NRXN1: variants seen among roughly 807,000 people sequenced by gnomAD.
The protein encoded by NRXN1 is neurexin-1.
A neutral mutation model predicts 150.9 loss-of-function variants in NRXN1; 39 were observed. The ratio of observed to expected loss-of-function variants is 0.26; its 90% CI spans 0.20 to 0.34. The LOEUF is 0.34. NRXN1 is among the 10% of genes least tolerant of loss of function. The probability of loss-of-function intolerance (pLI) is 1.00; values close to 1 mark genes in which losing one functional copy is unlikely to be tolerated. For synonymous variants in NRXN1, 924 were observed against 757.0 expected (o/e 1.22, Z -3.62); for missense variants, 1,815 against 1,949.9 (o/e 0.93, Z 1.30).
chr2:50,540,804 G>A (rs2105275448), intron 9 of NRXN1, among the ~76,000 whole-genome samples: 1 of 152,182 alleles, frequency 6.6e-6, no homozygotes, highest in African/African-American at 2.4e-5. Context: ...TGGGATTACA[G>A]GTGTACGCCA....
chr2:50,334,192 A>AAT (rs1553457969), intron 17 of NRXN1, among the ~76,000 whole-genome samples: 6,039 of 119,024 alleles, frequency 0.051, 687 homozygotes, highest in African/African-American at 0.14. Flanking sequence ...ACCAGGACCA[A>AAT]ATATATATAT....
intron 5 of NRXN1, among the ~76,000 whole-genome samples, chr2:50,907,313 T>G (rs935949473): frequency 6.6e-6 from 1 of 152,036 alleles, no homozygotes; most frequent in African/African-American, 2.4e-5. Context: ...AAACTCAGTA[T>G]AAAAAGTACA....
At chr2:49,975,425 T>C (rs1678787621) in intron 21 of NRXN1, among the ~76,000 whole-genome samples, 1 of 152,140 alleles carries the variant, frequency 6.6e-6, no homozygotes, top group African/African-American at 2.4e-5. Context: ...GTGTGCCTCA[T>C]AAGTAAAGCT....
At chr2:50,718,248 ATGT>A (rs1696121888) in intron 5 of NRXN1, among the ~76,000 whole-genome samples, 2 of 152,238 alleles carry the variant, frequency 1.3e-5, no homozygotes, top group Middle Eastern at 3.4e-3. Flanking sequence ...AAACATGGGT[ATGT>A]TGTTATATAA....
intron 5 of NRXN1, among the ~76,000 whole-genome samples, chr2:50,675,249 C>T (rs1689388138): frequency 6.6e-6 from 1 of 152,082 alleles, no homozygotes; most frequent in Non-Finnish European, 1.5e-5. Context: ...ACAGAAGAGA[C>T]TAAGAAGCCC....
intron 18 of NRXN1, among the ~76,000 whole-genome samples, chr2:50,116,169 C>T (rs919729123): frequency 1.5e-4 from 23 of 151,870 alleles, no homozygotes; most frequent in East Asian, 5.8e-4. Flanking sequence ...TAAAGAGCTA[C>T]GCAATTTTTG....
intron 5 of NRXN1, among the ~76,000 whole-genome samples, chr2:50,725,407 A>G (rs1697220229): frequency 6.6e-6 from 1 of 152,036 alleles, no homozygotes; most frequent in African/African-American, 2.4e-5. Context: ...GTATTGCAGT[A>G]CTTAAGTAAA....
chr2:50,094,702 T>A (rs1699995496), intron 18 of NRXN1, among the ~76,000 whole-genome samples: 1 of 151,680 alleles, frequency 6.6e-6, no homozygotes, highest in African/African-American at 2.4e-5. Flanking sequence ...AATTGTATTG[T>A]ATCCTGTTTA....
intron 17 of NRXN1, among the ~76,000 whole-genome samples, chr2:50,415,127 G>C (rs1466461070): frequency 6.6e-6 from 1 of 152,010 alleles, no homozygotes; most frequent in African/African-American, 2.4e-5. Context: ...TAGAAGCAGG[G>C]AGTAGGCAAT....
At chr2:51,019,710 C>T (rs1309375084) in intron 2 of NRXN1, among the ~76,000 whole-genome samples, 2 of 152,068 alleles carry the variant, frequency 1.3e-5, no homozygotes, top group Non-Finnish European at 2.9e-5. Flanking sequence ...GGAAAACTTA[C>T]ATTGCCTGAT....
At position 50,219,920 on chromosome 2, in the gene NRXN1, CTCTA is replaced by C. The variant is rs571397934; in HGVS notation, c.3546+16865_3546+16868del. The stretch of plus-strand genomic sequence containing the variant: ...ACACACATATATATATAAAATCTCT[CTCTA>C]TATTATATATATTATATATTATATA... On this transcript the variant is annotated intron_variant, in intron 18 of 22. Coordinates refer to ENST00000401669, the MANE Select transcript of NRXN1 (RefSeq NM_001330078.2). 1.2e-4 allele frequency among the ~76,000 whole-genome samples: 12 copies of C among 99,128 alleles called. No homozygotes were observed. The East Asian group carries it at 3.0e-3, about 25-fold the overall frequency. The allele number at this position is 99,128 out of a possible 152,430, so 65.0% of individuals were successfully genotyped here.
At chr2:50,523,087 G>GT (rs1644492612) in intron 12 of NRXN1, among the ~76,000 whole-genome samples, 1 of 151,790 alleles carries the variant, frequency 6.6e-6, no homozygotes, top group Non-Finnish European at 1.5e-5. Flanking sequence ...TACACTGCCT[G>GT]TTTTTATTTG....
chr2:50,359,832 A>G (rs1198048214), intron 17 of NRXN1, among the ~76,000 whole-genome samples: 1 of 152,174 alleles, frequency 6.6e-6, no homozygotes, highest in Non-Finnish European at 1.5e-5. Flanking sequence ...GAAATGAAGG[A>G]AAAAATGTCA....
intron 17 of NRXN1, among the ~76,000 whole-genome samples, chr2:50,238,133 A>C (rs957585385): frequency 1.2e-4 from 19 of 152,058 alleles, no homozygotes; most frequent in African/African-American, 4.6e-4. Flanking sequence ...AGCAGTGTGA[A>C]AATGGACTAA....
chr2:50,111,690 T>C (rs984305989), intron 18 of NRXN1, among the ~76,000 whole-genome samples: 21 of 152,062 alleles, frequency 1.4e-4, no homozygotes, highest in Non-Finnish European at 7.4e-5. Context: ...ATGGATCATT[T>C]TAGTGTAATC....
At position 49,965,922 on chromosome 2, in the gene NRXN1, A is replaced by AAATAC. The variant is rs1436822107; in HGVS notation, c.4129-22136_4129-22132dup. On this transcript the variant is annotated intron_variant, in intron 21 of 22. Transcript: ENST00000401669. Reference sequence around the variant, plus strand: ...AAATATGTATTGATATAAAGCCTAAAAATACACACAGTAGGTACAGCATTC... The same window carrying AAATAC: ...AAATATGTATTGATATAAAGCCTAAAAATACAATACACACAGTAGGTACAGCATTC... Among the ~76,000 whole-genome samples, 15 of 152,364 alleles carry AAATAC rather than the reference A, an allele frequency of 9.8e-5. No individual in the cohort carries two copies. In the East Asian group the frequency reaches 2.7e-3, roughly 27 times the overall value.
chr2:49,931,982 T>C (rs928256083), intron 22 of NRXN1, among the ~76,000 whole-genome samples: 3 of 152,220 alleles, frequency 2.0e-5, no homozygotes, highest in South Asian at 2.1e-4. Flanking sequence ...GGCCTGAAAC[T>C]AGAAATTTTT....
At chr2:50,019,673 G>A (rs1283938565) in intron 21 of NRXN1, among the ~76,000 whole-genome samples, 2 of 131,152 alleles carry the variant, frequency 1.5e-5, no homozygotes, top group Non-Finnish European at 3.3e-5. Flanking sequence ...GAGGCTGGGC[G>A]CGGTGGCTCA....
At chr2:50,181,851 A>G (rs2060741254) in intron 18 of NRXN1, among the ~76,000 whole-genome samples, 1 of 152,088 alleles carries the variant, frequency 6.6e-6, no homozygotes, top group African/African-American at 2.4e-5. Context: ...ATGGAAAACG[A>G]GCATTGTTGT....
Sources: gnomAD v4.1 joint callset for allele counts (sites outside exome capture counted in the v4.1 genomes callset) on GRCh38, gnomAD v4.1.1 for gene constraint, MANE v1.5 for transcripts, NCBI Gene and HGNC (gene_info 2026-07-23, HGNC 2026-07-21) for gene names.